MYO1H: variants seen among roughly 807,000 people sequenced by gnomAD.
The protein encoded by MYO1H is unconventional myosin-Ih.
Under a neutral mutation model 149.3 loss-of-function variants are expected in MYO1H, and 118 were observed. The observed-to-expected ratio is 0.79, with a 90% CI of 0.68 to 0.92. The LOEUF is 0.92. MYO1H is among the 40% of genes least tolerant of loss of function. The probability of loss-of-function intolerance (pLI) is 0.00; values close to 1 mark genes in which losing one functional copy is unlikely to be tolerated. For missense variants in MYO1H, 1,212 were observed against 1,280.7 expected, an observed-to-expected ratio of 0.95 and a Z score of 0.82; for synonymous variants, 447 against 465.2, an observed-to-expected ratio of 0.96 and a Z score of 0.50.
upstream of MYO1H, among the ~76,000 whole-genome samples, chr12:109,345,235 A>G (rs1471258411): frequency 2.0e-5 from 3 of 152,204 alleles, no homozygotes; most frequent in Non-Finnish European, 4.4e-5. Context: ...TCCAGAATAT[A>G]TAAGGAGCTT....
At chr12:109,403,342 A>G (rs183018717) in intron 6 of MYO1H, among the ~76,000 whole-genome samples, 364 of 152,358 alleles carry the variant, frequency 2.4e-3, no homozygotes, top group Non-Finnish European at 3.8e-3. Flanking sequence ...TCTTTTAAGA[A>G]AACAGATCTT....
intron 17 of MYO1H, among the ~76,000 whole-genome samples, chr12:109,425,174 G>GA (rs1390014596): frequency 2.6e-5 from 4 of 152,024 alleles, no homozygotes; most frequent in African/African-American, 7.2e-5. Context: ...AAGAAAGAAA[G>GA]AAAAAATCAA....
chr12:109,447,519 C>T, exon 32 of MYO1H: 2 of 435,804 alleles, frequency 4.6e-6, no homozygotes, highest in South Asian at 3.3e-5. Context: ...GTCAAGCTGC[C>T]CTGAGACATG....
chr12:109,421,002 A>G, exon 16 of MYO1H: 1 of 1,589,602 alleles, frequency 6.3e-7, no homozygotes, highest in East Asian at 2.2e-5. Context: ...AAAAACAATG[A>G]TCTTCTTTAC....
intron 19 of MYO1H, 46 bp downstream of exon 19, chr12:109,427,632 T>C: frequency 3.1e-6 from 4 of 1,297,228 alleles, no homozygotes; most frequent in Non-Finnish European, 4.5e-6. Flanking sequence ...ATGTGCCTAC[T>C]ACATGAGAAT....
At chr12:109,370,795 T>G (rs1868965426) in intron 1 of MYO1H, among the ~76,000 whole-genome samples, 1 of 152,208 alleles carries the variant, frequency 6.6e-6, no homozygotes, top group Non-Finnish European at 1.5e-5. Context: ...TTGACAAATC[T>G]GCTGAGCACC....
intron 1 of MYO1H, among the ~76,000 whole-genome samples, chr12:109,373,103 G>A (rs1869020900): frequency 6.6e-6 from 1 of 151,980 alleles, no homozygotes; most frequent in Middle Eastern, 3.2e-3. Context: ...TATTAACTTT[G>A]TATATGGCCT....
chr12:109,337,642 T>G, the MYO1H span, among the ~76,000 whole-genome samples: 2 of 152,142 alleles, frequency 1.3e-5, no homozygotes, highest in Admixed American at 6.5e-5. Flanking sequence ...CCTGCCCCCA[T>G]GATTCAATTA....
chr12:109,434,919 C>T, intron 20 of MYO1H, 118 bp from the exon 21 acceptor site: 1 of 627,094 alleles, frequency 1.6e-6, no homozygotes, highest in South Asian at 2.0e-5. Context: ...ACACTATTTC[C>T]AAATAAGATG....
At chr12:109,376,734 C>T (rs1278841876) in intron 1 of MYO1H, among the ~76,000 whole-genome samples, 1 of 152,190 alleles carries the variant, frequency 6.6e-6, no homozygotes, top group Non-Finnish European at 1.5e-5. Flanking sequence ...AGCAAGTCAT[C>T]AGACAACAAT....
intron 15 of MYO1H, among the ~76,000 whole-genome samples, chr12:109,416,160 C>T (rs1305429386): frequency 6.6e-6 from 1 of 151,992 alleles, no homozygotes; most frequent in Admixed American, 6.6e-5. Flanking sequence ...TCTGGAACTC[C>T]TGAGGCCCAC....
At chr12:109,324,003 C>A in the MYO1H span, among the ~76,000 whole-genome samples, 1 of 128,938 alleles carries the variant, frequency 7.8e-6, no homozygotes, top group Admixed American at 8.4e-5. Context: ...ATAGTGAGAC[C>A]CTGACTCAAG....
intron 1 of MYO1H, among the ~76,000 whole-genome samples, chr12:109,352,165 A>AT (rs554488059): frequency 1.3e-5 from 2 of 152,066 alleles, no homozygotes; most frequent in African/African-American, 2.4e-5. Flanking sequence ...TACCACTTTT[A>AT]TTTTTTTCCA....
exon 32 of MYO1H, chr12:109,447,472 A>G (rs1872533635): frequency 7.7e-6 from 4 of 521,970 alleles, no homozygotes; most frequent in Admixed American, 3.1e-5. Flanking sequence ...GCGCAGTCCA[A>G]CGTGTCATTA....
rs1297615811 is a variant in MYO1H, at chr12:109,424,163, TC to T, written c.1645-584del. 1.7e-4 allele frequency among the ~76,000 whole-genome samples: 26 copies of T among 152,296 alleles called. No homozygotes were observed. The South Asian group carries it at 2.5e-3, about 15-fold the overall frequency. ...TTAACACCATTATCTTGGAGATCAT[TC>T]TTTTTTTTCTTTTTGAGACAGGTTC... On this transcript the variant is annotated intron_variant, in intron 16 of 31. Transcript: ENST00000310903.
At chr12:109,441,986 G>A (rs1162172362) in intron 26 of MYO1H, among the ~76,000 whole-genome samples, 2 of 152,148 alleles carry the variant, frequency 1.3e-5, no homozygotes, top group Admixed American at 6.5e-5. Context: ...GGCGGAGGAC[G>A]CAGTGAGCCG....
At chr12:109,441,039 A>T (rs1872103657) in intron 25 of MYO1H, among the ~76,000 whole-genome samples, 1 of 152,212 alleles carries the variant, frequency 6.6e-6, no homozygotes, top group South Asian at 2.1e-4. Flanking sequence ...GTTTGTTACC[A>T]TGGGAACACA....
At chr12:109,329,559 G>A in the MYO1H span, among the ~76,000 whole-genome samples, 7 of 152,158 alleles carry the variant, frequency 4.6e-5, no homozygotes, top group African/African-American at 1.7e-4. Context: ...CTAGCCTTTT[G>A]TTACTTCTTA....
intron 31 of MYO1H, 166 bp downstream of exon 31, chr12:109,445,778 T>C (rs1872454732): frequency 2.0e-6 from 2 of 984,566 alleles, no homozygotes; most frequent in South Asian, 4.7e-5. Context: ...GAAACTGATA[T>C]AGAGATACAC....
Sources: allele counts gnomAD v4.1 joint callset (sites outside exome capture counted in the v4.1 genomes callset), GRCh38; gene constraint gnomAD v4.1.1; transcripts MANE v1.5; gene names NCBI Gene and HGNC (gene_info 2026-07-23, HGNC 2026-07-21).